SCAMP4: variants seen among roughly 807,000 people sequenced by gnomAD.
The protein encoded by SCAMP4 is secretory carrier-associated membrane protein 4.
In SCAMP4, 19 loss-of-function variants were observed where a neutral mutation model predicts 32.1. The ratio of observed to expected loss-of-function variants is 0.59; its 90% CI spans 0.41 to 0.87. SCAMP4 has a LOEUF of 0.87. SCAMP4 is among the 40% of genes least tolerant of loss of function. The pLI is 0.00. For synonymous variants in SCAMP4, 152 were observed against 132.7 expected, an observed-to-expected ratio of 1.15 and a Z score of -1.00; for missense variants, 302 against 309.0, an observed-to-expected ratio of 0.98 and a Z score of 0.17.
intron 5 of SCAMP4, chr19:1,921,773 G>A (rs2013927894): frequency 1.5e-5 from 15 of 983,652 alleles, no homozygotes; most frequent in Non-Finnish European, 1.8e-5. Context: ...TTGAGGCCAG[G>A]AGTTCAGACT....
At chr19:1,914,634 G>A (rs2145444456) in intron 1 of SCAMP4, 1 of 382,494 alleles carries the variant, frequency 2.6e-6, no homozygotes, top group East Asian at 5.9e-5. Flanking sequence ...AGGCCCTGCA[G>A]CGTTCACCTT....
At position 1,925,910 on chromosome 19, in the gene SCAMP4, A is replaced by ACCC. The variant is rs71174396; in HGVS notation, c.*1633_*1635dup. On this transcript the variant is annotated 3_prime_UTR_variant, in exon 7 of 7. Coordinates refer to ENST00000316097, the MANE Select transcript of SCAMP4 (RefSeq NM_079834.4). ...GACAAAATCTCACCTGGCAGGCCCA[A>ACCC]CCCCCCCCCACCCCTCCCCCGCCGT... 6 of 112,748 alleles carry ACCC rather than the reference A, an allele frequency of 5.3e-5. No individual in the cohort carries two copies. Among genetic ancestry groups the ACCC allele is most frequent in the South Asian group, 5.8e-4 (2 of 3,472 alleles). The allele number at this position is 112,748 out of a possible 1,614,324, so 7.0% of individuals were successfully genotyped here.
At chr19:1,915,321 A>C (rs1017722878) in intron 2 of SCAMP4, 2 of 514,310 alleles carry the variant, frequency 3.9e-6, no homozygotes, top group Non-Finnish European at 7.0e-6. Context: ...GCGTGTTCTC[A>C]TGTGCCCCGG....
chr19:1,922,570 G>C (rs1026912171), intron 5 of SCAMP4: 38 of 985,354 alleles, frequency 3.9e-5, no homozygotes, highest in Non-Finnish European at 4.5e-5. Flanking sequence ...AGTGCCCACC[G>C]GGTGATGGTG....
intron 1 of SCAMP4, chr19:1,913,309 C>T (rs1347877557): frequency 7.7e-6 from 9 of 1,171,540 alleles, no homozygotes; most frequent in African/African-American, 3.2e-5. Context: ...CCGTGCGGAT[C>T]GAGCTTTCCT....
Position 1,923,109 on chromosome 19 carries a change from G to A in SCAMP4, c.435G>A (p.Pro145=), listed in dbSNP as rs774111265. The A allele has an allele frequency of 9.0e-5, 139 of 1,552,534 alleles. No homozygotes were observed. Among genetic ancestry groups the A allele is most frequent in the South Asian group, 1.3e-4 (11 of 83,930 alleles). ...LSAIGFFQYS[P]GAAVVMLLPA... ...CAATTGGATTCTTCCAGTACAGCCC[G>A]GGCGCTGCCGTGGTCATGCTGCTTC... The change falls in exon 6 of 7, where the codon CCG becomes CCA. Residue 145 remains proline (P), a synonymous_variant. Coordinates refer to ENST00000316097, the MANE Select transcript of SCAMP4 (RefSeq NM_079834.4).
chr19:1,907,800 C>T (rs1039434663), intron 1 of SCAMP4, among the ~76,000 whole-genome samples: 11 of 152,222 alleles, frequency 7.2e-5, no homozygotes, highest in African/African-American at 2.6e-4. Context: ...GAGGGAGGGT[C>T]AGGTGGCCCC....
intron 1 of SCAMP4, chr19:1,911,877 CTG>C (rs1029994280): frequency 7.0e-6 from 5 of 714,552 alleles, no homozygotes; most frequent in African/African-American, 1.9e-5. Context: ...TGTTTAAACT[CTG>C]TGCACACCAG....
chr19:1,918,587 C>T (rs775383148), intron 4 of SCAMP4: 10 of 498,554 alleles, frequency 2.0e-5, no homozygotes, highest in African/African-American at 9.7e-5. Context: ...CATGGTGAAA[C>T]GCTGTCTCTA....
intron 5 of SCAMP4, chr19:1,922,738 A>G: frequency 2.0e-6 from 2 of 1,016,820 alleles, no homozygotes; most frequent in African/African-American, 1.7e-5. Flanking sequence ...ACTGAGGGAA[A>G]CTAATGGGGA....
At chr19:1,919,125 C>T in intron 5 of SCAMP4, 135 bp downstream of exon 5, 1 of 1,484,468 alleles carries the variant, frequency 6.7e-7, no homozygotes, top group South Asian at 1.3e-5. Flanking sequence ...GGGGTCTGAG[C>T]TCACCCTGGC....
chr19:1,911,808 AAG>A, intron 1 of SCAMP4: 1 of 422,216 alleles, frequency 2.4e-6, no homozygotes, highest in East Asian at 3.6e-5. Context: ...ATAAAAAAAA[AAG>A]AAAATGATCT....
At chr19:1,922,734 G>C in intron 5 of SCAMP4, 1 of 1,014,010 alleles carries the variant, frequency 9.9e-7, no homozygotes, top group Admixed American at 5.9e-5. Context: ...ACTCACTGAG[G>C]GAAACTAATG....
Position 1,924,494 on chromosome 19 carries a change from C to G in SCAMP4, c.*210C>G, listed in dbSNP as rs1251655443. The G allele has an allele frequency of 4.4e-5, 26 of 588,500 alleles. No homozygotes were observed. The highest frequency in any genetic ancestry group is 7.6e-5 in the Non-Finnish European group (25 of 328,514). 36.5% of individuals were successfully genotyped at this position (588,500 alleles called of 1,614,324 possible). On this transcript the variant is annotated 3_prime_UTR_variant, in exon 7 of 7. Coordinates refer to ENST00000316097, the MANE Select transcript of SCAMP4 (RefSeq NM_079834.4). ...AGCGGAGTTCCTCACAAGCACTCCC[C>G]AGCAGCCCTTGGCCTCTGCCGTCCA...
At chr19:1,912,258 C>G (rs1599239890) in intron 1 of SCAMP4, 2 of 1,597,162 alleles carry the variant, frequency 1.3e-6, no homozygotes, top group Non-Finnish European at 1.7e-6. Flanking sequence ...GGACAAGCGC[C>G]AGACCTCACG....
chr19:1,911,285 T>C (rs1169314091), intron 1 of SCAMP4, among the ~76,000 whole-genome samples: 2 of 151,924 alleles, frequency 1.3e-5, no homozygotes, highest in Admixed American at 6.6e-5. Flanking sequence ...GCTCCTCCTG[T>C]TTCAGCTTCT....
intron 4 of SCAMP4, 66 bp from the exon 5 acceptor site, chr19:1,918,823 C>G: frequency 1.3e-6 from 2 of 1,553,286 alleles, no homozygotes; most frequent in South Asian, 2.4e-5. Context: ...CTGGCCCGTT[C>G]CTCTCTAGGC....
rs1292206876 is a variant in SCAMP4 at position 1,905,429 on chromosome 19, G to C, written c.-52G>C. 1 of 463,724 alleles carries C rather than the reference G, an allele frequency of 2.2e-6. No homozygotes were observed. Among genetic ancestry groups the C allele is most frequent in the African/African-American group, 2.0e-5 (1 of 49,212 alleles). 28.7% of individuals were successfully genotyped at this position (463,724 alleles called of 1,614,324 possible). A position where few individuals can be genotyped will look rare whatever the true frequency, so the allele number is the denominator to read the frequency against. On this transcript the variant is annotated 5_prime_UTR_variant, in exon 1 of 7. Coordinates refer to ENST00000316097, the MANE Select transcript of SCAMP4 (RefSeq NM_079834.4). ...TTGGCGAAGCGCTGCGCTCGCGCCC[G>C]GATCCCTCAGGTAAGCGCGCGGCCC...
At chr19:1,911,840 A>T in intron 1 of SCAMP4, 1 of 467,572 alleles carries the variant, frequency 2.1e-6, no homozygotes, top group Non-Finnish European at 3.6e-6. Flanking sequence ...TAGGTGAATT[A>T]TATCTTCGTT....
Sources: allele counts gnomAD v4.1 joint callset (sites outside exome capture counted in the v4.1 genomes callset), GRCh38; gene constraint gnomAD v4.1.1; transcripts MANE v1.5; gene names NCBI Gene and HGNC (gene_info 2026-07-23, HGNC 2026-07-21).